Variants in RAB28 observed in about 807,000 individuals in gnomAD.
The protein encoded by RAB28 is RAB28, member RAS oncogene family.
A neutral mutation model predicts 31.7 loss-of-function variants in RAB28; 24 were observed. The observed-to-expected ratio is 0.76, with a 90% CI of 0.55 to 1.06. The LOEUF (loss-of-function observed/expected upper bound fraction) is 1.06, where lower values mean the gene tolerates loss of function less well. RAB28 is among the 50% of genes least tolerant of loss of function. RAB28 has a pLI of 0.00. For synonymous variants in RAB28, 100 were observed against 90.4 expected, an observed-to-expected ratio of 1.11 and a Z score of -0.60; for missense variants, 254 against 258.5, an observed-to-expected ratio of 0.98 and a Z score of 0.12.
intron 4 of RAB28, among the ~76,000 whole-genome samples, chr4:13,415,378 A>G (rs994012577): frequency 1.4e-4 from 22 of 152,194 alleles, no homozygotes; most frequent in Admixed American, 1.2e-3. Flanking sequence ...CGGCTCCCTC[A>G]GCTTGCAGGG....
intron 4 of RAB28, among the ~76,000 whole-genome samples, chr4:13,436,714 T>C (rs1366795605): frequency 1.3e-5 from 2 of 151,956 alleles, no homozygotes; most frequent in South Asian, 2.1e-4. Flanking sequence ...ATGACACAAA[T>C]AAATGGAAAA....
chr4:13,479,009 T>C (rs751775323), intron 2 of RAB28, among the ~76,000 whole-genome samples: 4 of 151,674 alleles, frequency 2.6e-5, no homozygotes, highest in Non-Finnish European at 5.9e-5. Context: ...AGCTACATTA[T>C]ACTTCTGTTC....
intron 4 of RAB28, among the ~76,000 whole-genome samples, chr4:13,415,609 C>A (rs1389349194): frequency 2.6e-5 from 4 of 152,176 alleles, no homozygotes; most frequent in Non-Finnish European, 5.9e-5. Context: ...CGATTTCTTG[C>A]CGGGCCTTAG....
intron 6 of RAB28, chr4:13,369,741 G>GT: frequency 1.1e-6 from 1 of 882,886 alleles, no homozygotes; most frequent in Non-Finnish European, 1.5e-6. Flanking sequence ...AGACGTAGAC[G>GT]TGATATTAAC....
intron 4 of RAB28, among the ~76,000 whole-genome samples, chr4:13,410,329 G>A (rs1577185259): frequency 6.6e-6 from 1 of 152,116 alleles, no homozygotes; most frequent in African/African-American, 2.4e-5. Flanking sequence ...ATCAGTCCAA[G>A]GAAATTCCTT....
rs774664366 is a variant in RAB28, at chr4:13,368,625, T to C, written c.599A>G (p.Asn200Ser). Residue 200 changes from asparagine to serine, a missense_variant, in exon 7 of 7, where the codon AAC becomes AGC. Transcript: ENST00000330852. The part of the protein sequence containing the change: ...SQRVVKADIV[N>S]YNQEPMSRTV... ...CCTTGACATAGGTTCCTGGTTGTAG[T>C]TTACAATATCTGCCTTCACCACCCT... The C allele has an allele frequency of 1.2e-6, 2 of 1,612,014 alleles. No homozygotes were observed. Among genetic ancestry groups the C allele is most frequent in the African/African-American group, 2.7e-5 (2 of 74,730 alleles).
chr4:13,384,043 C>T (rs1392124969), intron 4 of RAB28, among the ~76,000 whole-genome samples: 1 of 152,186 alleles, frequency 6.6e-6, no homozygotes, highest in East Asian at 1.9e-4. Flanking sequence ...CACCGCCATG[C>T]ACCAGCCTCC....
chr4:13,447,978 G>T (rs1314759068), intron 4 of RAB28, among the ~76,000 whole-genome samples: 1 of 152,082 alleles, frequency 6.6e-6, no homozygotes, highest in African/African-American at 2.4e-5. Flanking sequence ...AGGAGTCAAA[G>T]ATGCTTAGGT....
intron 3 of RAB28, among the ~76,000 whole-genome samples, chr4:13,469,061 C>T (rs2108967507): frequency 6.6e-6 from 1 of 152,082 alleles, no homozygotes; most frequent in South Asian, 2.1e-4. Flanking sequence ...AAGTACTCAC[C>T]TCTTCAGGAG....
chr4:13,376,212 T>A (rs1577149687), intron 6 of RAB28, among the ~76,000 whole-genome samples: 1 of 152,076 alleles, frequency 6.6e-6, no homozygotes, highest in Non-Finnish European at 1.5e-5. Flanking sequence ...GTTTTAAAAT[T>A]GAATAGAGGC....
At chr4:13,429,792 A>G (rs1269274991) in intron 4 of RAB28, among the ~76,000 whole-genome samples, 1 of 152,222 alleles carries the variant, frequency 6.6e-6, no homozygotes, top group Non-Finnish European at 1.5e-5. Flanking sequence ...TAAAATTCAC[A>G]TGGAAATGTA....
chr4:13,402,665 G>C (rs7677695), intron 4 of RAB28, among the ~76,000 whole-genome samples: 8,522 of 151,962 alleles, frequency 0.056, 546 homozygotes, highest in African/African-American at 0.16. Flanking sequence ...GTCGGGTCTT[G>C]CTTTTCTATC....
rs569665744 is a variant in RAB28, at chr4:13,381,126, A to G, written c.495+365T>C. 5.9e-5 allele frequency among the ~76,000 whole-genome samples: 9 copies of G among 152,088 alleles called. No homozygotes were observed. The East Asian group carries it at 1.5e-3, about 26-fold the overall frequency. On this transcript the variant is annotated intron_variant, in intron 5 of 6. Coordinates refer to ENST00000330852, the MANE Select transcript of RAB28 (RefSeq NM_001017979.3). ...AAAATGGAGATAATCAGAGTAGTAC[A>G]ATATCTATAATAAAGTAAGCACTCA...
chr4:13,475,481 TA>T (rs1716317847), intron 2 of RAB28, among the ~76,000 whole-genome samples: 1 of 151,622 alleles, frequency 6.6e-6, no homozygotes, highest in African/African-American at 2.4e-5. Context: ...CATAAAATAC[TA>T]AAATCAGAGA....
intron 4 of RAB28, among the ~76,000 whole-genome samples, chr4:13,444,579 C>T (rs923085193): frequency 6.6e-6 from 1 of 152,160 alleles, no homozygotes; most frequent in African/African-American, 2.4e-5. Context: ...GAGGAACCTC[C>T]ACACTATTTC....
At chr4:13,416,533 T>C (rs535815678) in intron 4 of RAB28, among the ~76,000 whole-genome samples, 5 of 152,218 alleles carry the variant, frequency 3.3e-5, no homozygotes, top group East Asian at 1.9e-4. Context: ...TCTAAGAGAA[T>C]AGAAATACAG....
chr4:13,434,616 C>T (rs564140831), intron 4 of RAB28, among the ~76,000 whole-genome samples: 13 of 152,168 alleles, frequency 8.5e-5, no homozygotes, highest in African/African-American at 1.2e-4. Flanking sequence ...CTCATCTATG[C>T]ATGGAACATC....
chr4:13,474,950 T>C (rs1001364921), intron 2 of RAB28, among the ~76,000 whole-genome samples: 4 of 151,586 alleles, frequency 2.6e-5, no homozygotes, highest in African/African-American at 9.7e-5. Context: ...ATGGCAAACA[T>C]AGTCAAAAAA....
At chr4:13,399,309 C>G (rs977392497) in intron 4 of RAB28, among the ~76,000 whole-genome samples, 1 of 152,132 alleles carries the variant, frequency 6.6e-6, no homozygotes, top group Non-Finnish European at 1.5e-5. Flanking sequence ...TATAACATAC[C>G]TTTTTATAAG....
Sources: gnomAD v4.1 joint callset for allele counts (sites outside exome capture counted in the v4.1 genomes callset) on GRCh38, gnomAD v4.1.1 for gene constraint, MANE v1.5 for transcripts, NCBI Gene and HGNC (gene_info 2026-07-23, HGNC 2026-07-21) for gene names.